The following KLHL32 variants were observed in gnomAD, a reference collection of about 807,000 sequenced individuals.
The protein encoded by KLHL32 is kelch-like protein 32.
A neutral mutation model predicts 64.8 loss-of-function variants in KLHL32; 35 were observed. The ratio of observed to expected loss-of-function variants is 0.54; its 90% CI spans 0.41 to 0.72. The LOEUF (loss-of-function observed/expected upper bound fraction) is 0.72, where lower values mean the gene tolerates loss of function less well. Ranked by LOEUF, KLHL32 falls within the 30% of genes least tolerant of loss-of-function variation. KLHL32 has a pLI of 0.00. For synonymous variants in KLHL32, 259 were observed against 281.0 expected (o/e 0.92, Z 0.78); for missense variants, 589 against 768.5 (o/e 0.77, Z 2.76).
In KLHL32 at chr6:97,130,865, A is replaced by T. The variant is rs1315678346; in HGVS notation, c.1522A>T (p.Asn508Tyr). ...TGGAGGCAATGACCTAGACTACAAT[A>T]ATGACCGGATCCTTGTGCGCCATAT... ...VLGGNDLDYN[N>Y]DRILVRHIDS... Residue 508 changes from asparagine (N) to tyrosine (Y), a missense_variant, in exon 9 of 11, where the codon AAT (asparagine) becomes TAT (tyrosine). Physicochemically the swap from Asn to Tyr is moderately radical, Grantham distance 143. Around this residue, in one of 3 missense-constraint regions of KLHL32, gnomAD observed 172 missense variants for 192.0 expected, o/e 0.90. Transcript: ENST00000369261. The T allele has an allele frequency of 1.3e-5, 21 of 1,614,138 alleles. No homozygotes were observed. The highest frequency in any genetic ancestry group is 1.7e-5 in the Non-Finnish European group (20 of 1,179,986).
At chr6:96,903,219 A>G in the KLHL32 span, among the ~76,000 whole-genome samples, 1 of 151,962 alleles carries the variant, frequency 6.6e-6, no homozygotes, top group Non-Finnish European at 1.5e-5. Context: ...TGGAAAGAAT[A>G]CGATCATAAA....
chr6:97,012,205 C>T (rs1206094), intron 3 of KLHL32, among the ~76,000 whole-genome samples: 56,557 of 151,980 alleles, frequency 0.37, 12,121 homozygotes, highest in African/African-American at 0.56. Context: ...GATGTCCATG[C>T]CCTAATTTCT....
At chr6:97,003,952 T>C (rs1779359477) in intron 3 of KLHL32, among the ~76,000 whole-genome samples, 1 of 151,360 alleles carries the variant, frequency 6.6e-6, no homozygotes, top group South Asian at 2.1e-4. Flanking sequence ...CTTTTTTCTT[T>C]AAGTATTCAA....
intron 3 of KLHL32, among the ~76,000 whole-genome samples, chr6:96,977,090 A>G (rs1775786255): frequency 1.3e-5 from 2 of 152,338 alleles, no homozygotes; most frequent in South Asian, 4.1e-4. Flanking sequence ...ATGAAAGTAC[A>G]TAATATAGTG....
chr6:97,114,395 C>A lies in KLHL32; in HGVS notation c.1240C>A (p.Pro414Thr). Residue 414 changes from proline (P) to threonine (T), a missense_variant, in exon 7 of 11, where the codon CCT becomes ACT. Pro to Thr is a conservative substitution (Grantham distance 38). This residue lies in a region of KLHL32 where 226 missense variants were observed against 353.2 expected (regional missense o/e 0.64). Coordinates refer to ENST00000369261, the MANE Select transcript of KLHL32 (RefSeq NM_052904.4). Reference protein sequence around the residue: ...GGRNELRQVLPTVERYCPKKN... With the variant: ...GGRNELRQVLTTVERYCPKKN... The stretch of plus-strand genomic sequence containing the variant: ...CAGAAATGAACTGCGCCAGGTTCTG[C>A]CTACAGTTGAGCGATATTGCCCCAA... The A allele has an allele frequency of 1.9e-6, 3 of 1,614,186 alleles. No individual in the cohort carries two copies. Among genetic ancestry groups the A allele is most frequent in the Non-Finnish European group, 2.5e-6 (3 of 1,180,036 alleles).
intron 3 of KLHL32, among the ~76,000 whole-genome samples, chr6:97,036,476 T>C (rs1027724879): frequency 2.0e-5 from 3 of 152,224 alleles, no homozygotes; most frequent in African/African-American, 7.2e-5. Context: ...GAAGGAGCAG[T>C]TACATCTTTC....
At chr6:96,993,267 T>G (rs763405011) in intron 3 of KLHL32, among the ~76,000 whole-genome samples, 36 of 152,372 alleles carry the variant, frequency 2.4e-4, no homozygotes, top group Non-Finnish European at 5.9e-5. Flanking sequence ...GATTTGCTTT[T>G]GCATCAGTGG....
At chr6:96,959,733 G>A (rs1773680823) in intron 1 of KLHL32, among the ~76,000 whole-genome samples, 1 of 152,126 alleles carries the variant, frequency 6.6e-6, no homozygotes, top group South Asian at 2.1e-4. Context: ...GTGGTTGCAG[G>A]TTCTGATCCT....
intron 3 of KLHL32, among the ~76,000 whole-genome samples, chr6:97,019,946 A>ATT (rs59828741): frequency 3.3e-4 from 38 of 115,068 alleles, no homozygotes; most frequent in East Asian, 2.3e-3. Flanking sequence ...CTCCCGGCGA[A>ATT]TTTTTTTTTT....
chr6:96,919,919 C>T (rs35705180), upstream of KLHL32, among the ~76,000 whole-genome samples: 19,691 of 152,184 alleles, frequency 0.13, 1,558 homozygotes, highest in East Asian at 0.26. Context: ...TAAAACTTGC[C>T]TCAGTGGAGG....
intron 5 of KLHL32, among the ~76,000 whole-genome samples, chr6:97,072,024 T>C (rs1790817803): frequency 6.6e-6 from 1 of 152,208 alleles, no homozygotes; most frequent in Non-Finnish European, 1.5e-5. Flanking sequence ...CTGTACCCCA[T>C]GGACAGCTTG....
chr6:97,057,880 AC>A (rs1788269939), intron 4 of KLHL32, among the ~76,000 whole-genome samples: 1 of 152,156 alleles, frequency 6.6e-6, no homozygotes, highest in African/African-American at 2.4e-5. Flanking sequence ...TTTGCATTTT[AC>A]ATCTACATCT....
intron 3 of KLHL32, among the ~76,000 whole-genome samples, chr6:96,989,916 G>A (rs775066803): frequency 7.2e-5 from 11 of 152,022 alleles, no homozygotes; most frequent in Non-Finnish European, 1.5e-4. Flanking sequence ...TGAAATTCTT[G>A]TACTGTTTGT....
chr6:97,060,873 G>A (rs1788766929), intron 4 of KLHL32, among the ~76,000 whole-genome samples: 1 of 152,074 alleles, frequency 6.6e-6, no homozygotes, highest in Non-Finnish European at 1.5e-5. Context: ...ACAGCCACTG[G>A]TCGGTTCTTA....
At chr6:97,041,130 A>T (rs1354058501) in intron 3 of KLHL32, among the ~76,000 whole-genome samples, 1 of 152,220 alleles carries the variant, frequency 6.6e-6, no homozygotes, top group Non-Finnish European at 1.5e-5. Context: ...AAGGCTTTTC[A>T]TGTCCTATTG....
At chr6:97,121,307 G>C (rs1183413004) in intron 7 of KLHL32, among the ~76,000 whole-genome samples, 2 of 152,106 alleles carry the variant, frequency 1.3e-5, no homozygotes, top group African/African-American at 4.8e-5. Context: ...CAAAATAGAT[G>C]CTTAAATTGT....
intron 1 of KLHL32, among the ~76,000 whole-genome samples, chr6:96,949,324 C>CTA (rs1562184077): frequency 6.6e-6 from 1 of 151,720 alleles, no homozygotes; most frequent in Non-Finnish European, 1.5e-5. Context: ...CTCTGATATT[C>CTA]TAGTTAGTCA....
rs1344319411 is a variant in KLHL32 at position 97,120,790 on chromosome 6, T to C, written c.1354+6281T>C. ...ATAACTTGGCACATCCACTTAAAAGTTCCTAGTGAATTAGAATGTCCATGA... is the reference window on the plus strand; with the variant it reads ...ATAACTTGGCACATCCACTTAAAAGCTCCTAGTGAATTAGAATGTCCATGA... On this transcript the variant is annotated intron_variant, in intron 7 of 10. Transcript: ENST00000369261. Among the ~76,000 whole-genome samples the C allele has an allele frequency of 2.6e-5, 4 of 152,288 alleles. No homozygotes were observed. In the East Asian group the frequency reaches 7.7e-4, roughly 29 times the overall value.
chr6:96,952,733 C>A (rs1772772986), intron 1 of KLHL32, among the ~76,000 whole-genome samples: 1 of 152,166 alleles, frequency 6.6e-6, no homozygotes, highest in Non-Finnish European at 1.5e-5. Flanking sequence ...AATGTATCAT[C>A]ACAAGGTGAT....
Sources: gnomAD v4.1 joint callset for allele counts (sites outside exome capture counted in the v4.1 genomes callset) on GRCh38, gnomAD v4.1.1 for gene constraint, gnomAD v4.1.1 regional missense constraint, MANE v1.5 for transcripts, NCBI Gene and HGNC (gene_info 2026-07-23, HGNC 2026-07-21) for gene names.